Variants in CDH8 observed in about 807,000 individuals in gnomAD.
CDH8 encodes cadherin-8.
CDH8 carries 17 observed loss-of-function variants against 68.1 expected under a neutral mutation model. The observed-to-expected ratio is 0.25, with a 90% CI of 0.17 to 0.37. The LOEUF is 0.37. Ranked by LOEUF, CDH8 falls within the 10% of genes least tolerant of loss-of-function variation. The pLI, the probability that CDH8 is intolerant of heterozygous loss-of-function variation, is 1.00. For synonymous variants in CDH8, 372 were observed against 365.1 expected, an observed-to-expected ratio of 1.02 and a Z score of -0.21; for missense variants, 763 against 999.3, an observed-to-expected ratio of 0.76 and a Z score of 3.19.
chr16:61,683,533 G>A (rs974770243), intron 10 of CDH8, among the ~76,000 whole-genome samples: 6 of 151,946 alleles, frequency 3.9e-5, no homozygotes, highest in Non-Finnish European at 8.8e-5. Flanking sequence ...ATTAAGGATT[G>A]TCTGACAAGC....
At chr16:61,957,715 A>G (rs1424399536) in intron 2 of CDH8, among the ~76,000 whole-genome samples, 2 of 152,124 alleles carry the variant, frequency 1.3e-5, no homozygotes, top group African/African-American at 4.8e-5. Context: ...AGGACTTGTT[A>G]TATTATTCAT....
At chr16:61,779,871 A>T (rs947927719) in intron 8 of CDH8, among the ~76,000 whole-genome samples, 2 of 152,140 alleles carry the variant, frequency 1.3e-5, no homozygotes, top group Non-Finnish European at 2.9e-5. Flanking sequence ...TCAAGAAATG[A>T]TGTAGCAGTA....
intron 2 of CDH8, among the ~76,000 whole-genome samples, chr16:62,014,904 G>T (rs563360868): frequency 3.4e-5 from 5 of 149,174 alleles, no homozygotes; most frequent in Middle Eastern, 3.5e-3. Flanking sequence ...GAGCAGACTG[G>T]TTTTTTTTTT....
intron 8 of CDH8, among the ~76,000 whole-genome samples, chr16:61,771,494 C>CT (rs1037519316): frequency 3.7e-5 from 4 of 107,874 alleles, no homozygotes; most frequent in African/African-American, 1.4e-4. Context: ...AAAAAAAAAA[C>CT]TTTTTTTTAA....
chr16:61,995,710 C>T (rs560677659), intron 2 of CDH8, among the ~76,000 whole-genome samples: 3 of 152,244 alleles, frequency 2.0e-5, no homozygotes, highest in African/African-American at 7.2e-5. Context: ...ATTCTTTACT[C>T]GGATGAATTA....
At chr16:61,674,306 T>G (rs1342882647) in intron 10 of CDH8, among the ~76,000 whole-genome samples, 1 of 151,750 alleles carries the variant, frequency 6.6e-6, no homozygotes, top group East Asian at 1.9e-4. Flanking sequence ...TACAAAAAAT[T>G]ATTTGGGCGT....
At chr16:61,838,375 C>T (rs989945224) in intron 4 of CDH8, among the ~76,000 whole-genome samples, 2 of 152,062 alleles carry the variant, frequency 1.3e-5, no homozygotes, top group African/African-American at 4.8e-5. Flanking sequence ...GAAGTTCCAC[C>T]TTTCCTAACT....
intron 2 of CDH8, among the ~76,000 whole-genome samples, chr16:61,950,387 C>T (rs1964874879): frequency 6.6e-6 from 1 of 152,116 alleles, no homozygotes; most frequent in Non-Finnish European, 1.5e-5. Flanking sequence ...CTCTATTTAC[C>T]GGATGTGCAT....
chr16:61,690,554 T>A (rs982962502), intron 10 of CDH8, among the ~76,000 whole-genome samples: 1 of 152,068 alleles, frequency 6.6e-6, no homozygotes, highest in Non-Finnish European at 1.5e-5. Context: ...GAAATATTTG[T>A]ACACTTTTGA....
chr16:61,904,903 C>A (rs1050168418), intron 2 of CDH8, among the ~76,000 whole-genome samples: 1 of 152,202 alleles, frequency 6.6e-6, no homozygotes, highest in African/African-American at 2.4e-5. Flanking sequence ...ACCCAGAACC[C>A]TTTGTCAGAT....
intron 2 of CDH8, among the ~76,000 whole-genome samples, chr16:61,953,404 C>T (rs757058840): frequency 3.9e-5 from 6 of 152,016 alleles, no homozygotes; most frequent in Admixed American, 2.0e-4. Flanking sequence ...ATTTCTTGCT[C>T]ACCATGAAAT....
intron 8 of CDH8, among the ~76,000 whole-genome samples, chr16:61,787,572 C>T (rs1320484396): frequency 1.4e-5 from 2 of 139,442 alleles, no homozygotes; most frequent in African/African-American, 5.6e-5. Flanking sequence ...ACCATTTGAC[C>T]CAGCCATCCC....
chr16:61,665,107 G>A (rs943405143), intron 10 of CDH8, among the ~76,000 whole-genome samples: 1 of 151,862 alleles, frequency 6.6e-6, no homozygotes. Flanking sequence ...GGTCATAATG[G>A]TGAGGCTCTA....
intron 3 of CDH8, among the ~76,000 whole-genome samples, chr16:61,874,762 T>C (rs1238906850): frequency 6.6e-6 from 1 of 152,182 alleles, no homozygotes; most frequent in Non-Finnish European, 1.5e-5. Context: ...TTGTTGCTTT[T>C]TTACCTGTGA....
intron 2 of CDH8, among the ~76,000 whole-genome samples, chr16:61,912,342 G>A (rs570160158): frequency 3.3e-5 from 5 of 152,126 alleles, no homozygotes; most frequent in African/African-American, 1.2e-4. Flanking sequence ...TAGCTGTGTT[G>A]CTTACTCCTA....
intron 3 of CDH8, among the ~76,000 whole-genome samples, chr16:61,857,661 G>A (rs561515238): frequency 6.6e-6 from 1 of 152,200 alleles, no homozygotes; most frequent in East Asian, 1.9e-4. Flanking sequence ...AAGCTGTACA[G>A]AAATATCAAA....
At chr16:62,028,898 A>T (rs1902259775) in intron 1 of CDH8, among the ~76,000 whole-genome samples, 1 of 152,226 alleles carries the variant, frequency 6.6e-6, no homozygotes, top group African/African-American at 2.4e-5. Flanking sequence ...TAACAGCCAG[A>T]GACCTACTGA....
chr16:61,911,224 T>G (rs1242251947), intron 2 of CDH8, among the ~76,000 whole-genome samples: 9 of 152,012 alleles, frequency 5.9e-5, no homozygotes, highest in African/African-American at 2.2e-4. Context: ...AACTGATTGA[T>G]AAGAGAACTA....
At chr16:61,931,983 G>A (rs567944885) in intron 2 of CDH8, among the ~76,000 whole-genome samples, 213 of 152,106 alleles carry the variant, frequency 1.4e-3, no homozygotes, top group African/African-American at 5.1e-3. Context: ...CGAGGCGGGC[G>A]GATCACGAGG....
Sources: allele counts gnomAD v4.1 joint callset (sites outside exome capture counted in the v4.1 genomes callset), GRCh38; gene constraint gnomAD v4.1.1; transcripts MANE v1.5; gene names NCBI Gene and HGNC (gene_info 2026-07-23, HGNC 2026-07-21).